The following GLI3 variants were observed in gnomAD, a reference collection of about 807,000 sequenced individuals.
The protein encoded by GLI3 is transcription activator GLI3.
In GLI3, 20 loss-of-function variants were observed where a neutral mutation model predicts 100.8. The observed-to-expected ratio is 0.20, with a 90% CI of 0.14 to 0.29. The LOEUF (loss-of-function observed/expected upper bound fraction) is 0.29, where lower values mean the gene tolerates loss of function less well. Ranked by LOEUF, GLI3 falls within the 10% of genes least tolerant of loss-of-function variation. The pLI, the probability that GLI3 is intolerant of heterozygous loss-of-function variation, is 1.00. For synonymous variants in GLI3, 938 were observed against 860.5 expected (o/e 1.09, Z -1.58); for missense variants, 2,040 against 2,128.5 (o/e 0.96, Z 0.82).
chr7:42,172,521 T>C (rs1787394882), intron 2 of GLI3: 8 of 701,854 alleles, frequency 1.1e-5, no homozygotes, highest in Non-Finnish European at 2.1e-5. Context: ...ATCCCGCACC[T>C]AGGTAAATGT....
At chr7:41,982,010 CTT>C (rs1787682502) in intron 10 of GLI3, among the ~76,000 whole-genome samples, 1 of 152,110 alleles carries the variant, frequency 6.6e-6, no homozygotes, top group African/African-American at 2.4e-5. Context: ...GTGGGGGAAA[CTT>C]ATGTTGGGCA....
chr7:41,965,059 G>T lies in GLI3; in HGVS notation c.4014C>A (p.Gly1338=). The T allele has an allele frequency of 6.2e-7, 1 of 1,613,850 alleles. No homozygotes were observed. Among genetic ancestry groups the T allele is most frequent in the Non-Finnish European group, 8.5e-7 (1 of 1,180,010 alleles). Residue 1338 remains glycine, a synonymous_variant, in exon 15 of 15, where the codon GGC becomes GGA. Coordinates refer to ENST00000395925, the MANE Select transcript of GLI3 (RefSeq NM_000168.6). ...GCCCAAGCATCTGCTGACCGGGGCG[G>T]CCTGCCCCCGGGTGCTGCATGCTGT... is the stretch of plus-strand genomic sequence containing the variant. ...LGDSMQHPGA[G]RPGQQMLGQI...
chr7:42,053,850 G>A (rs1057299508), intron 4 of GLI3, among the ~76,000 whole-genome samples: 1 of 152,210 alleles, frequency 6.6e-6, no homozygotes, highest in African/African-American at 2.4e-5. Flanking sequence ...AAATATGCCT[G>A]TGGCCCTCCA....
chr7:42,027,804 GA>G (rs377608399), intron 7 of GLI3, among the ~76,000 whole-genome samples: 2 of 152,252 alleles, frequency 1.3e-5, no homozygotes, highest in Middle Eastern at 3.4e-3. Flanking sequence ...CTTAATAAAG[GA>G]AAGCAGAAAC....
At chr7:42,069,352 G>A (rs1428017552) in intron 4 of GLI3, among the ~76,000 whole-genome samples, 8 of 152,052 alleles carry the variant, frequency 5.3e-5, no homozygotes, top group Non-Finnish European at 8.8e-5. Flanking sequence ...AGTGTGTATC[G>A]GCGGATCTGG....
intron 1 of GLI3, among the ~76,000 whole-genome samples, chr7:42,229,228 G>C (rs1420528791): frequency 6.6e-6 from 1 of 152,100 alleles, no homozygotes; most frequent in Non-Finnish European, 1.5e-5. Flanking sequence ...GCCTAAACTT[G>C]GGCAAAAACT....
intron 10 of GLI3, among the ~76,000 whole-genome samples, chr7:41,984,058 C>G (rs1220594727): frequency 1.3e-5 from 2 of 152,172 alleles, no homozygotes; most frequent in Admixed American, 6.5e-5. Flanking sequence ...GTTTAGCAAT[C>G]AAGGAGGCAG....
intron 9 of GLI3, 37 bp downstream of exon 9, chr7:42,025,227 G>A: frequency 7.3e-7 from 1 of 1,366,902 alleles, no homozygotes; most frequent in Admixed American, 1.7e-5. Flanking sequence ...AGTCTTGGGA[G>A]GAGTGGGCGC....
At chr7:42,163,108 C>T (rs1211258556) in intron 2 of GLI3, among the ~76,000 whole-genome samples, 1 of 151,368 alleles carries the variant, frequency 6.6e-6, no homozygotes, top group Non-Finnish European at 1.5e-5. Context: ...GCAATACTGA[C>T]CTCCTTCTGT....
At chr7:42,067,808 C>A (rs977519981) in intron 4 of GLI3, among the ~76,000 whole-genome samples, 1 of 152,176 alleles carries the variant, frequency 6.6e-6, no homozygotes, top group African/African-American at 2.4e-5. Context: ...TCAAGGGCAA[C>A]TGTACACACA....
chr7:42,242,599 C>T (rs755923870), upstream of GLI3, among the ~76,000 whole-genome samples: 14 of 152,134 alleles, frequency 9.2e-5, no homozygotes. Flanking sequence ...CTTCTCTTCC[C>T]TTAGGCAGAG....
chr7:41,977,446 G>T, intron 12 of GLI3, 112 bp downstream of exon 12: 1 of 1,113,420 alleles, frequency 9.0e-7, no homozygotes, highest in Non-Finnish European at 1.3e-6. Context: ...CCCTCATGCT[G>T]GGAATGGCCA....
At chr7:42,181,275 C>A (rs1164600194) in intron 2 of GLI3, among the ~76,000 whole-genome samples, 2 of 152,174 alleles carry the variant, frequency 1.3e-5, no homozygotes, top group African/African-American at 2.4e-5. Flanking sequence ...TCACAGACAG[C>A]AATGGGTAAC....
chr7:42,014,245 A>G (rs1450513940), intron 10 of GLI3, among the ~76,000 whole-genome samples: 2 of 152,194 alleles, frequency 1.3e-5, no homozygotes, highest in Non-Finnish European at 2.9e-5. Flanking sequence ...AATAAAAGTC[A>G]GACTCCTAGT....
intron 3 of GLI3, among the ~76,000 whole-genome samples, chr7:42,127,445 A>C (rs1246385451): frequency 6.6e-6 from 1 of 152,158 alleles, no homozygotes; most frequent in Non-Finnish European, 1.5e-5. Flanking sequence ...TGACTTGCAA[A>C]ACTGTTTGCA....
intron 3 of GLI3, among the ~76,000 whole-genome samples, chr7:42,096,615 C>T (rs73088687): frequency 0.11 from 16,649 of 152,212 alleles, 992 homozygotes; most frequent in African/African-American, 0.17. Flanking sequence ...CCTCCAAGAG[C>T]GGGTGTTCAG....
intron 7 of GLI3, among the ~76,000 whole-genome samples, chr7:42,027,053 G>C (rs918720451): frequency 2.6e-5 from 4 of 152,178 alleles, no homozygotes; most frequent in Non-Finnish European, 4.4e-5. Flanking sequence ...CAGTGGGAGA[G>C]CACTGCTCCC....
chr7:42,248,011 GTGTT>G (rs1788993065), intron 1 of GLI3, among the ~76,000 whole-genome samples: 1 of 152,168 alleles, frequency 6.6e-6, no homozygotes, highest in Admixed American at 6.5e-5. Flanking sequence ...AATACAATGA[GTGTT>G]TGTTTCAGTA....
chr7:42,056,676 C>A (rs1457611281), intron 4 of GLI3, among the ~76,000 whole-genome samples: 4 of 151,880 alleles, frequency 2.6e-5, no homozygotes, highest in Non-Finnish European at 4.4e-5. Flanking sequence ...ATTGGCCGGG[C>A]ATAGTGGCTC....
Sources: gnomAD v4.1 joint callset for allele counts (sites outside exome capture counted in the v4.1 genomes callset) on GRCh38, gnomAD v4.1.1 for gene constraint, MANE v1.5 for transcripts, NCBI Gene and HGNC (gene_info 2026-07-23, HGNC 2026-07-21) for gene names.